WDR1: variants seen among roughly 807,000 people sequenced by gnomAD.
WDR1 encodes WD repeat domain 1.
Under a neutral mutation model 71.9 loss-of-function variants are expected in WDR1, and 21 were observed. That is an observed-to-expected ratio of 0.29 (90% CI 0.21 to 0.42). The LOEUF is 0.42. Among genes scored for constraint, WDR1 ranks in the 10% least tolerant of loss-of-function variants. The pLI is 1.00. For missense variants in WDR1, 696 were observed against 824.5 expected (o/e 0.84, Z 1.91); for synonymous variants, 424 against 347.4 (o/e 1.22, Z -2.45).
At chr4:10,111,292 C>T (rs1300754538) in intron 2 of WDR1, among the ~76,000 whole-genome samples, 1 of 152,190 alleles carries the variant, frequency 6.6e-6, no homozygotes. Context: ...AGTAACAGCC[C>T]ATAAGCACCC....
At chr4:10,098,888 T>C in intron 4 of WDR1, 104 bp downstream of exon 4, 1 of 1,522,360 alleles carries the variant, frequency 6.6e-7, no homozygotes, top group Non-Finnish European at 9.0e-7. Flanking sequence ...CCCTCACGAG[T>C]GCAAGTTAGT....
intron 2 of WDR1, among the ~76,000 whole-genome samples, chr4:10,110,374 T>C (rs973782939): frequency 8.5e-5 from 13 of 152,188 alleles, no homozygotes; most frequent in Non-Finnish European, 1.3e-4. Flanking sequence ...ATCTCTCCAG[T>C]AGTCTTACGC....
In WDR1 at chr4:10,097,717, T is replaced by G. The variant is rs893069330; in HGVS notation, c.552A>C (p.Thr184=). The G allele has an allele frequency of 2.5e-6, 4 of 1,608,676 alleles. No homozygotes were observed. In the African/African-American group the frequency reaches 5.3e-5, roughly 22 times the overall value. Residue 184 remains threonine, a synonymous_variant, in exon 5 of 15, where the codon ACA becomes ACC. Coordinates refer to ENST00000499869, the MANE Select transcript of WDR1 (RefSeq NM_017491.5). ...FEGPPFKFKF[T]IGDHSRFVNC... is the part of the protein sequence containing the mutation. ...AAAAAGTAAGTTCACTTACGCCAATTGTGAACTTGAACTTGAATGGGGGTC... is the reference window on the plus strand; with the variant it reads ...AAAAAGTAAGTTCACTTACGCCAATGGTGAACTTGAACTTGAATGGGGGTC...
At chr4:10,091,285 C>T (rs1470887928) in intron 5 of WDR1, among the ~76,000 whole-genome samples, 2 of 152,228 alleles carry the variant, frequency 1.3e-5, no homozygotes, top group Non-Finnish European at 2.9e-5. Context: ...GTCTTCTTTG[C>T]TTAAATGGTC....
chr4:10,094,383 G>A (rs1712195137), intron 5 of WDR1, among the ~76,000 whole-genome samples: 1 of 152,232 alleles, frequency 6.6e-6, no homozygotes, highest in South Asian at 2.1e-4. Flanking sequence ...CCTGGCCCAA[G>A]TAATGCGCAT....
chr4:10,098,178 T>A (rs1282136327), intron 4 of WDR1, among the ~76,000 whole-genome samples: 1 of 152,230 alleles, frequency 6.6e-6, no homozygotes, highest in African/African-American at 2.4e-5. Context: ...GGGCTATCTT[T>A]ACAGCTTCAC....
chr4:10,107,698 C>T (rs1368280117), intron 2 of WDR1, among the ~76,000 whole-genome samples: 1 of 152,180 alleles, frequency 6.6e-6, no homozygotes, highest in Admixed American at 6.5e-5. Context: ...GATAAGACCT[C>T]GAGACAAGCC....
At chr4:10,089,168 G>A (rs915067972) in intron 5 of WDR1, among the ~76,000 whole-genome samples, 1 of 152,204 alleles carries the variant, frequency 6.6e-6, no homozygotes, top group Non-Finnish European at 1.5e-5. Context: ...GAGTGCAGTG[G>A]CACAATCTCT....
chr4:10,075,290 G>A lies in WDR1; in HGVS notation c.*88C>T, dbSNP rs567766140. ...TGTGGTGGGGTGGGGGCATGGGGGCGCGTCACAGAAATAGAGAAATGACAT... is the reference window on the plus strand; with the variant it reads ...TGTGGTGGGGTGGGGGCATGGGGGCACGTCACAGAAATAGAGAAATGACAT... On this transcript the variant is annotated 3_prime_UTR_variant, in exon 15 of 15. Transcript: ENST00000499869. The A allele has an allele frequency of 2.6e-5, 32 of 1,209,756 alleles. No homozygotes were observed. In the East Asian group the frequency reaches 6.0e-4, roughly 23 times the overall value. The allele number at this position is 1,209,756 out of a possible 1,614,324, so 74.9% of individuals were successfully genotyped here. A position where few individuals can be genotyped will look rare whatever the true frequency, so the allele number is the denominator to read the frequency against.
intron 3 of WDR1, 32 bp from the exon 4 acceptor site, chr4:10,099,171 A>AGGGGGGG: frequency 9.1e-6 from 1 of 109,756 alleles, no homozygotes; most frequent in Admixed American, 1.3e-4. Context: ...GGAGGGGGGG[A>AGGGGGGG]GGCGGTGGTG....
intron 5 of WDR1, among the ~76,000 whole-genome samples, chr4:10,095,318 C>A (rs895731335): frequency 6.6e-6 from 1 of 152,254 alleles, no homozygotes; most frequent in African/African-American, 2.4e-5. Flanking sequence ...AAAATGCCCA[C>A]ATATGGTTTT....
Position 10,115,468 on chromosome 4 carries a change from G to A in WDR1, c.138+645C>T, listed in dbSNP as rs1252884162. On this transcript the variant is annotated intron_variant, in intron 2 of 14. Transcript: ENST00000499869. Reference sequence around the variant, plus strand: ...CATGGTGGCAGATCTGGCTGGCCCAGAGGCCCGGGTGTTTTTCCGGGCTCT... The same window carrying A: ...CATGGTGGCAGATCTGGCTGGCCCAAAGGCCCGGGTGTTTTTCCGGGCTCT... Among the ~76,000 whole-genome samples, 8 of 152,238 alleles carry A rather than the reference G, an allele frequency of 5.3e-5. No individual in the cohort carries two copies. The East Asian group carries it at 1.5e-3, about 29-fold the overall frequency.
chr4:10,088,601 T>G, intron 6 of WDR1, 63 bp downstream of exon 6: 1 of 1,422,756 alleles, frequency 7.0e-7, no homozygotes, highest in Non-Finnish European at 9.7e-7. Flanking sequence ...CCTGCGGCTC[T>G]GAGCAGTCAC....
intron 2 of WDR1, among the ~76,000 whole-genome samples, chr4:10,113,682 T>C (rs1039513148): frequency 5.3e-5 from 8 of 152,328 alleles, no homozygotes; most frequent in African/African-American, 1.7e-4. Context: ...TGGGGGAAGA[T>C]AGCTTAGTCG....
intron 3 of WDR1, among the ~76,000 whole-genome samples, chr4:10,102,718 C>T (rs2109686309): frequency 6.6e-6 from 1 of 152,314 alleles, no homozygotes; most frequent in Middle Eastern, 3.4e-3. Flanking sequence ...TCCCATACAC[C>T]CTTCAGGACA....
chr4:10,079,887 T>C (rs188649506), intron 11 of WDR1, among the ~76,000 whole-genome samples: 2 of 152,330 alleles, frequency 1.3e-5, no homozygotes. Flanking sequence ...AATGAGGGCC[T>C]AAGCATTTGC....
chr4:10,113,002 G>A (rs1220052515), intron 2 of WDR1, among the ~76,000 whole-genome samples: 1 of 152,210 alleles, frequency 6.6e-6, no homozygotes, highest in Admixed American at 6.5e-5. Context: ...CAGAAGGCCG[G>A]GGATGGAAAA....
intron 2 of WDR1, among the ~76,000 whole-genome samples, chr4:10,115,235 G>T (rs564688626): frequency 7.9e-5 from 12 of 152,222 alleles, no homozygotes; most frequent in African/African-American, 2.9e-4. Flanking sequence ...GGCTGAGGAA[G>T]GGAAAAGCAA....
intron 5 of WDR1, chr4:10,096,719 C>G (rs1188133780): frequency 6.6e-6 from 1 of 152,254 alleles, no homozygotes; most frequent in Non-Finnish European, 1.5e-5. Context: ...ATGGACAGTG[C>G]TCCTCACTGA....
Sources: gnomAD v4.1 joint callset for allele counts (sites outside exome capture counted in the v4.1 genomes callset) on GRCh38, gnomAD v4.1.1 for gene constraint, MANE v1.5 for transcripts, NCBI Gene and HGNC (gene_info 2026-07-23, HGNC 2026-07-21) for gene names.